TESK2: variants seen among roughly 807,000 people sequenced by gnomAD.
The protein encoded by TESK2 is dual specificity testis-specific protein kinase 2.
Under a neutral mutation model 57.1 loss-of-function variants are expected in TESK2, and 39 were observed. The ratio of observed to expected loss-of-function variants is 0.68; its 90% CI spans 0.53 to 0.89. The LOEUF (loss-of-function observed/expected upper bound fraction) is 0.89, where lower values mean the gene tolerates loss of function less well. Ranked by LOEUF, TESK2 falls within the 40% of genes least tolerant of loss-of-function variation. The pLI is 0.00. For synonymous variants in TESK2, 249 were observed against 267.9 expected, an observed-to-expected ratio of 0.93 and a Z score of 0.69; for missense variants, 646 against 732.1, an observed-to-expected ratio of 0.88 and a Z score of 1.36.
intron 2 of TESK2, among the ~76,000 whole-genome samples, chr1:45,424,626 C>G (rs1475148947): frequency 1.3e-5 from 2 of 152,194 alleles, no homozygotes; most frequent in Non-Finnish European, 2.9e-5. Context: ...GACTCTCCAG[C>G]TGAAAGTCAC....
At chr1:45,416,223 C>T (rs187643856) in intron 3 of TESK2, among the ~76,000 whole-genome samples, 1 of 151,652 alleles carries the variant, frequency 6.6e-6, no homozygotes, top group Non-Finnish European at 1.5e-5. Context: ...GCTAGGGCTA[C>T]AGGCGCACAC....
At chr1:45,354,274 G>C (rs1173376110) in intron 5 of TESK2, among the ~76,000 whole-genome samples, 1 of 151,890 alleles carries the variant, frequency 6.6e-6, no homozygotes, top group African/African-American at 2.4e-5. Flanking sequence ...GTGACTGCTT[G>C]AGCTCACAAG....
Position 45,459,976 on chromosome 1 carries a change from T to A in TESK2, c.-86-2105A>T, listed in dbSNP as rs996106523. On this transcript the variant is annotated intron_variant, in intron 1 of 10. Transcript: ENST00000372086. ...TAACACAGAAACAGAAAACCAAATA[T>A]CGCATGTTCTCACTTATAACTAGGA... Among the ~76,000 whole-genome samples, 6 of 152,128 alleles carry A rather than the reference T, an allele frequency of 3.9e-5. 1 individual carries two copies. The highest frequency in any genetic ancestry group is 3.3e-4 in the Admixed American group (5 of 15,270).
At chr1:45,402,263 G>A (rs1232150267) in intron 3 of TESK2, among the ~76,000 whole-genome samples, 3 of 151,368 alleles carry the variant, frequency 2.0e-5, no homozygotes, top group Non-Finnish European at 2.9e-5. Context: ...GCATGGTGGT[G>A]TGTGCTTGTA....
At chr1:45,459,404 G>A (rs898668310) in intron 1 of TESK2, among the ~76,000 whole-genome samples, 3 of 152,188 alleles carry the variant, frequency 2.0e-5, no homozygotes, top group Non-Finnish European at 2.9e-5. Flanking sequence ...CCTGAATCTA[G>A]TTAATCTAGT....
chr1:45,479,322 G>A (rs1653118777), intron 1 of TESK2, among the ~76,000 whole-genome samples: 1 of 152,060 alleles, frequency 6.6e-6, no homozygotes, highest in African/African-American at 2.4e-5. Context: ...TTTCCATAGT[G>A]AAATCATTGT....
At chr1:45,466,929 A>G (rs1652577427) in intron 1 of TESK2, among the ~76,000 whole-genome samples, 1 of 152,122 alleles carries the variant, frequency 6.6e-6, no homozygotes, top group Admixed American at 6.5e-5. Flanking sequence ...ATAGTACCTA[A>G]TAAACAATAA....
chr1:45,389,061 C>G (rs976734247), intron 3 of TESK2, among the ~76,000 whole-genome samples: 3 of 152,074 alleles, frequency 2.0e-5, no homozygotes, highest in African/African-American at 7.2e-5. Flanking sequence ...CATGAGGGCT[C>G]TGCCTAATCC....
chr1:45,457,542 G>A, intron 2 of TESK2, 22 bp downstream of exon 2: 1 of 1,605,838 alleles, frequency 6.2e-7, no homozygotes, highest in East Asian at 2.2e-5. Flanking sequence ...GACAATATGA[G>A]AAAAGCTGAA....
rs142392228 is a variant in TESK2, at chr1:45,478,646, G to C, written c.-87+12206C>G. 4.5e-3 allele frequency among the ~76,000 whole-genome samples: 689 copies of C among 152,188 alleles called. 4 individuals carry two copies. The highest frequency in any genetic ancestry group is 0.016 in the African/African-American group (664 of 41,516). On this transcript the variant is annotated intron_variant, in intron 1 of 10. Coordinates refer to ENST00000372086, the MANE Select transcript of TESK2 (RefSeq NM_007170.3). ...CACTATGCCAAATCCTGGAGAGATG[G>C]TGACGACAATATAGACATACACAGA...
At chr1:45,435,857 A>G (rs1651181695) in intron 2 of TESK2, among the ~76,000 whole-genome samples, 1 of 151,832 alleles carries the variant, frequency 6.6e-6, no homozygotes, top group Non-Finnish European at 1.5e-5. Context: ...TCTTCTGCAT[A>G]TATAATATAC....
At chr1:45,417,184 G>T (rs182074534) in intron 3 of TESK2, among the ~76,000 whole-genome samples, 155 of 152,206 alleles carry the variant, frequency 1.0e-3, no homozygotes, top group African/African-American at 3.3e-3. Context: ...TTCATTTAGT[G>T]TAACATCCTC....
intron 2 of TESK2, among the ~76,000 whole-genome samples, chr1:45,440,066 C>T (rs1029610074): frequency 6.6e-6 from 1 of 151,944 alleles, no homozygotes; most frequent in Non-Finnish European, 1.5e-5. Context: ...ATTCCCATTC[C>T]TCAACCTCCG....
At chr1:45,389,118 T>C (rs1261500828) in intron 3 of TESK2, among the ~76,000 whole-genome samples, 1 of 152,114 alleles carries the variant, frequency 6.6e-6, no homozygotes, top group Non-Finnish European at 1.5e-5. Flanking sequence ...GGTAGCTTTC[T>C]AAGAGGAGGA....
intron 2 of TESK2, among the ~76,000 whole-genome samples, chr1:45,434,481 G>A (rs1020974050): frequency 1.3e-5 from 2 of 150,936 alleles, no homozygotes; most frequent in African/African-American, 4.9e-5. Flanking sequence ...TTGTAGAGAT[G>A]GGGTCTTTTT....
At chr1:45,470,568 T>G (rs1017467626) in intron 1 of TESK2, among the ~76,000 whole-genome samples, 2 of 152,218 alleles carry the variant, frequency 1.3e-5, no homozygotes, top group African/African-American at 4.8e-5. Flanking sequence ...TAAAAGTGTA[T>G]TAGCTCTTCT....
chr1:45,470,281 A>T (rs1289995302), intron 1 of TESK2, among the ~76,000 whole-genome samples: 1 of 152,234 alleles, frequency 6.6e-6, no homozygotes, highest in African/African-American at 2.4e-5. Flanking sequence ...TTAGCTGTGT[A>T]TCAATACCAA....
At chr1:45,425,945 G>C (rs2149288416) in intron 2 of TESK2, among the ~76,000 whole-genome samples, 1 of 151,706 alleles carries the variant, frequency 6.6e-6, no homozygotes, top group South Asian at 2.1e-4. Flanking sequence ...AGGAGTTTGA[G>C]ATCAGCCTGG....
intron 1 of TESK2, among the ~76,000 whole-genome samples, chr1:45,469,003 C>T (rs1652662375): frequency 6.6e-6 from 1 of 152,134 alleles, no homozygotes; most frequent in African/African-American, 2.4e-5. Flanking sequence ...ACTATGTTCT[C>T]AACTTAAATA....
Sources: allele counts gnomAD v4.1 joint callset (sites outside exome capture counted in the v4.1 genomes callset), GRCh38; gene constraint gnomAD v4.1.1; transcripts MANE v1.5; gene names NCBI Gene and HGNC (gene_info 2026-07-23, HGNC 2026-07-21).